Variants in RABGAP1 observed in about 807,000 individuals in gnomAD.
The protein encoded by RABGAP1 is rab GTPase-activating protein 1.
RABGAP1 carries 23 observed loss-of-function variants against 137.6 expected under a neutral mutation model. The observed-to-expected ratio is 0.17, with a 90% CI of 0.12 to 0.24. The LOEUF (loss-of-function observed/expected upper bound fraction) is 0.24. RABGAP1 is among the 10% of genes least tolerant of loss of function. The pLI is 1.00. For missense variants in RABGAP1, 906 were observed against 1,275.8 expected (o/e 0.71, Z 4.42); for synonymous variants, 451 against 450.7 (o/e 1.00, Z -0.01).
chr9:122,943,068 CTTTCTTTTTTTTTT>C (rs754200587), intron 1 of RABGAP1, among the ~76,000 whole-genome samples: 1 of 111,242 alleles, frequency 9.0e-6, no homozygotes, highest in East Asian at 2.9e-4. Context: ...TTGTGGTGCA[CTTTCTTTTTTTTTT>C]TTTTTTTTTT....
chr9:123,055,696 C>T (rs1394814592), intron 13 of RABGAP1, among the ~76,000 whole-genome samples: 1 of 151,726 alleles, frequency 6.6e-6, no homozygotes, highest in Non-Finnish European at 1.5e-5. Flanking sequence ...ATTACAGGCT[C>T]CTGCCATCAC....
intron 14 of RABGAP1, 110 bp downstream of exon 14, chr9:123,065,571 C>CA: frequency 1.2e-6 from 1 of 851,484 alleles, no homozygotes; most frequent in South Asian, 1.5e-5. Flanking sequence ...TCAAGAATTC[C>CA]AAAAAGAGAA....
chr9:123,094,544 A>G (rs1469377775), intron 21 of RABGAP1, among the ~76,000 whole-genome samples: 1 of 152,068 alleles, frequency 6.6e-6, no homozygotes, highest in African/African-American at 2.4e-5. Context: ...TGGGGTTTCT[A>G]TTTTTTATTA....
intron 13 of RABGAP1, among the ~76,000 whole-genome samples, chr9:123,022,002 C>T (rs1234005936): frequency 2.6e-5 from 4 of 152,166 alleles, no homozygotes; most frequent in Non-Finnish European, 5.9e-5. Flanking sequence ...CAGCATTGTA[C>T]TCATAGTATG....
At position 123,076,541 on chromosome 9, in the gene RABGAP1, TAAAAGTGCTG is replaced by T. The variant is rs1187573925; in HGVS notation, c.2296-81_2296-72del. 45 of 1,394,824 alleles carry T rather than the reference TAAAAGTGCTG, an allele frequency of 3.2e-5. No homozygotes were observed. The East Asian group carries it at 5.7e-4, about 18-fold the overall frequency. The allele number at this position is 1,394,824 out of a possible 1,614,324, so 86.4% of individuals were successfully genotyped here. On this transcript the variant is annotated intron_variant, in intron 18 of 25. Transcript: ENST00000373647. ...GCTAAGAAGTATCTTCTGGGGATTG[TAAAAGTGCTG>T]AAAAGTGCTGAGAATATAAAAAACT...
At chr9:122,943,964 A>G (rs910540758) in intron 1 of RABGAP1, among the ~76,000 whole-genome samples, 2 of 151,470 alleles carry the variant, frequency 1.3e-5, no homozygotes, top group Non-Finnish European at 2.9e-5. Context: ...AAAAAAAAAG[A>G]AGTTTTTGTT....
At chr9:123,025,911 A>G (rs1056315482) in intron 13 of RABGAP1, among the ~76,000 whole-genome samples, 5 of 151,952 alleles carry the variant, frequency 3.3e-5, no homozygotes, top group South Asian at 2.1e-4. Flanking sequence ...CATTAAGACA[A>G]TGTTAAATGA....
intron 1 of RABGAP1, among the ~76,000 whole-genome samples, chr9:122,944,059 A>T (rs1833783432): frequency 6.6e-6 from 1 of 152,212 alleles, no homozygotes; most frequent in Non-Finnish European, 1.5e-5. Context: ...GAATTTTTGA[A>T]TACAGTTTTC....
Position 123,056,278 on chromosome 9 carries a change from T to C in RABGAP1, c.1795-9070T>C, listed in dbSNP as rs75348618. 4.2e-3 allele frequency among the ~76,000 whole-genome samples: 634 copies of C among 152,308 alleles called. 7 individuals carry two copies. The highest frequency in any genetic ancestry group is 0.034 in the East Asian group (175 of 5,176). ...AGAATAGGATGGAGTCAATAAACTT[T>C]ATGTGCAATTTTTTGCAACTTTAGA... is the stretch of plus-strand genomic sequence containing the variant. On this transcript the variant is annotated intron_variant, in intron 13 of 25. Transcript: ENST00000373647.
At chr9:122,933,956 C>A in the RABGAP1 span, among the ~76,000 whole-genome samples, 2 of 151,834 alleles carry the variant, frequency 1.3e-5, no homozygotes, top group African/African-American at 4.8e-5. Context: ...TTTGTAGAGA[C>A]CGCGCCTTGC....
At chr9:122,955,105 G>A (rs1048295700) in intron 1 of RABGAP1, among the ~76,000 whole-genome samples, 2 of 152,176 alleles carry the variant, frequency 1.3e-5, no homozygotes, top group Non-Finnish European at 2.9e-5. Flanking sequence ...TGATGAGTTG[G>A]AGTTGATCAA....
chr9:123,010,817 A>G (rs1319789854), intron 11 of RABGAP1, among the ~76,000 whole-genome samples: 2 of 152,196 alleles, frequency 1.3e-5, no homozygotes. Flanking sequence ...TTTTAGAACA[A>G]GTTTGACACA....
upstream of RABGAP1, chr9:122,938,568 A>G (rs1833427207): frequency 6.6e-6 from 1 of 152,244 alleles, no homozygotes; most frequent in African/African-American, 2.4e-5. Flanking sequence ...GTCTATTTTT[A>G]AAATGGATTA....
At chr9:123,042,949 A>C (rs771159637) in intron 13 of RABGAP1, among the ~76,000 whole-genome samples, 9 of 152,224 alleles carry the variant, frequency 5.9e-5, no homozygotes, top group Non-Finnish European at 1.2e-4. Context: ...GAGTCTAAAC[A>C]TACAAAGTAT....
chr9:123,059,271 A>G (rs1420283891), intron 13 of RABGAP1, among the ~76,000 whole-genome samples: 4 of 152,178 alleles, frequency 2.6e-5, no homozygotes, highest in Non-Finnish European at 2.9e-5. Context: ...AAACCTAACC[A>G]TGGCTAGGCA....
At chr9:122,958,595 G>A (rs1002179370) in intron 2 of RABGAP1, among the ~76,000 whole-genome samples, 10 of 151,996 alleles carry the variant, frequency 6.6e-5, no homozygotes, top group East Asian at 1.9e-4. Flanking sequence ...TAATGTAAAC[G>A]ACAAGTTAAT....
At chr9:122,934,095 T>TTTTTTA in the RABGAP1 span, among the ~76,000 whole-genome samples, 2 of 150,938 alleles carry the variant, frequency 1.3e-5, no homozygotes, top group Admixed American at 1.3e-4. Context: ...TTTTTTTTTT[T>TTTTTTA]GAGACAGAGT....
intron 13 of RABGAP1, among the ~76,000 whole-genome samples, chr9:123,026,005 CTTTTT>C (rs59188440): frequency 4.3e-5 from 5 of 117,190 alleles, no homozygotes; most frequent in Non-Finnish European, 3.7e-5. Flanking sequence ...AAAACATATT[CTTTTT>C]TTTTTTTTTT....
intron 13 of RABGAP1, among the ~76,000 whole-genome samples, chr9:123,037,729 G>C (rs1376088938): frequency 6.6e-6 from 1 of 152,152 alleles, no homozygotes. Context: ...ATTTTGTTGT[G>C]TGTGTATGTG....
Sources: allele counts gnomAD v4.1 joint callset (sites outside exome capture counted in the v4.1 genomes callset), GRCh38; gene constraint gnomAD v4.1.1; transcripts MANE v1.5; gene names NCBI Gene and HGNC (gene_info 2026-07-23, HGNC 2026-07-21).